The following PPP1R21 variants were observed in gnomAD, a reference collection of about 807,000 sequenced individuals.
PPP1R21 encodes protein phosphatase 1 regulatory subunit 21, also known as KLRAQ motif containing 1.
Under a neutral mutation model 112.8 loss-of-function variants are expected in PPP1R21, and 85 were observed. That is an observed-to-expected ratio of 0.75 (90% CI 0.63 to 0.90). PPP1R21 has a LOEUF of 0.90. PPP1R21 is among the 40% of genes least tolerant of loss of function. PPP1R21 has a pLI of 0.00. For missense variants in PPP1R21, 1,199 were observed against 901.5 expected, an observed-to-expected ratio of 1.33 and a Z score of -4.23; for synonymous variants, 381 against 322.3, an observed-to-expected ratio of 1.18 and a Z score of -1.95.
intron 14 of PPP1R21, among the ~76,000 whole-genome samples, chr2:48,487,948 C>G (rs955889494): frequency 2.6e-5 from 4 of 152,112 alleles, no homozygotes; most frequent in Non-Finnish European, 5.9e-5. Context: ...TTTATTGCAG[C>G]AGACTCAGCA....
At chr2:48,509,383 AT>A (rs1670530477) in intron 19 of PPP1R21, among the ~76,000 whole-genome samples, 1 of 151,712 alleles carries the variant, frequency 6.6e-6, no homozygotes, top group African/African-American at 2.4e-5. Context: ...TAGTATAAAT[AT>A]AAATGAATTC....
chr2:48,483,380 G>T (rs1669124096), intron 13 of PPP1R21, among the ~76,000 whole-genome samples: 1 of 151,586 alleles, frequency 6.6e-6, no homozygotes, highest in South Asian at 2.1e-4. Flanking sequence ...ACAGGGTTTC[G>T]CCATGTTGGC....
At chr2:48,490,042 T>C (rs1217020768) in intron 14 of PPP1R21, among the ~76,000 whole-genome samples, 3 of 151,054 alleles carry the variant, frequency 2.0e-5, no homozygotes, top group Non-Finnish European at 4.4e-5. Flanking sequence ...AAGACTCTGT[T>C]TCAAACAAAC....
At chr2:48,450,823 A>G (rs900479594) in intron 1 of PPP1R21, among the ~76,000 whole-genome samples, 185 bp from the exon 2 acceptor site, 8 of 150,982 alleles carry the variant, frequency 5.3e-5, no homozygotes, top group Non-Finnish European at 8.8e-5. Context: ...TGTCCTCCTT[A>G]TCTGTAAAAT....
At chr2:48,451,886 C>T (rs1198108014) in intron 2 of PPP1R21, among the ~76,000 whole-genome samples, 1 of 152,148 alleles carries the variant, frequency 6.6e-6, no homozygotes, top group Non-Finnish European at 1.5e-5. Flanking sequence ...ACTTAGGCAA[C>T]TAAGCCCCAG....
chr2:48,505,960 G>T (rs963942011), intron 18 of PPP1R21, among the ~76,000 whole-genome samples: 1 of 152,138 alleles, frequency 6.6e-6, no homozygotes, highest in Admixed American at 6.5e-5. Context: ...CTTAGCAAGG[G>T]CTATCTAGGG....
At chr2:48,442,113 C>T (rs757657939) in intron 1 of PPP1R21, among the ~76,000 whole-genome samples, 6 of 152,140 alleles carry the variant, frequency 3.9e-5, no homozygotes, top group Non-Finnish European at 8.8e-5. Context: ...TCTTAAGAGC[C>T]TGTGGCACAA....
At chr2:48,460,002 T>G in intron 5 of PPP1R21, 84 bp downstream of exon 5, 1 of 1,593,100 alleles carries the variant, frequency 6.3e-7, no homozygotes, top group Non-Finnish European at 8.6e-7. Context: ...GTTAGTCATT[T>G]CTGGTGAGAC....
rs761720903 is a variant in PPP1R21, at chr2:48,464,986, C to A, written c.744C>A (p.His248Gln). ...ACGTTCCACTCCACAATAGGAGACA[C>A]CAGGTAAAGGATGAAGTACATGTTT... is the stretch of plus-strand genomic sequence containing the variant. ...ALNVPLHNRRHQLKMRDIAGQ... is the reference protein window; with the variant it reads ...ALNVPLHNRRQQLKMRDIAGQ... Residue 248 changes from histidine (H) to glutamine (Q), a missense_variant, in exon 8 of 22, where the codon CAC becomes CAA. By Grantham distance (24) the His-to-Gln change is conservative. Transcript: ENST00000294952. 14 of 1,556,164 alleles carry A rather than the reference C, an allele frequency of 9.0e-6. 1 individual carries two copies. Among genetic ancestry groups the A allele is most frequent in the Middle Eastern group, 3.4e-4 (2 of 5,916 alleles).
intron 17 of PPP1R21, among the ~76,000 whole-genome samples, chr2:48,499,434 C>G (rs1487947598): frequency 6.6e-6 from 1 of 152,102 alleles, no homozygotes; most frequent in Admixed American, 6.5e-5. Flanking sequence ...TAGAAATAAC[C>G]ACAGGAAGCC....
intron 18 of PPP1R21, among the ~76,000 whole-genome samples, chr2:48,506,186 C>T (rs991986671): frequency 2.0e-5 from 3 of 152,296 alleles, no homozygotes; most frequent in South Asian, 2.1e-4. Flanking sequence ...CCTCTGCCTC[C>T]GGGTACAAGT....
chr2:48,514,674 TTA>T (rs1223836521), intron 21 of PPP1R21, 39 bp from the exon 22 acceptor site: 3 of 1,402,744 alleles, frequency 2.1e-6, no homozygotes, highest in Admixed American at 3.4e-5. Context: ...TTATTTTTTT[TTA>T]TGTTTATGTT....
chr2:48,458,272 G>T (rs759950570), intron 4 of PPP1R21, 45 bp downstream of exon 4: 26 of 1,316,076 alleles, frequency 2.0e-5, no homozygotes, highest in Non-Finnish European at 2.8e-5. Context: ...ATGGGTCTGT[G>T]ATCTGTTAAT....
rs971546968 is a variant in PPP1R21, at chr2:48,487,210, C to A, written c.1446+452C>A. Among the ~76,000 whole-genome samples the A allele has an allele frequency of 2.0e-5, 3 of 152,146 alleles. No homozygotes were observed. The East Asian group carries it at 5.8e-4, about 29-fold the overall frequency. ...GGTCTGCCATATAGAACACTGGGAA[C>A]ATACAAAAAAAGAAAACAAACCCAC... On this transcript the variant is annotated intron_variant, in intron 14 of 21. Transcript: ENST00000294952.
intron 2 of PPP1R21, among the ~76,000 whole-genome samples, chr2:48,452,700 C>A (rs6756820): frequency 0.97 from 147,470 of 151,962 alleles, 71,729 homozygotes; most frequent in Middle Eastern, 0.99. Flanking sequence ...CCTTTCAGTG[C>A]GCTGTTAGGT....
chr2:48,507,448 G>T, intron 19 of PPP1R21, 63 bp downstream of exon 19: 2 of 1,560,960 alleles, frequency 1.3e-6, no homozygotes, highest in South Asian at 1.2e-5. Context: ...TTAGGACACT[G>T]TCCTGTTTTC....
intron 14 of PPP1R21, among the ~76,000 whole-genome samples, chr2:48,490,212 C>G (rs1480446886): frequency 1.0e-5 from 1 of 96,446 alleles, no homozygotes; most frequent in African/African-American, 4.2e-5. Flanking sequence ...GAGTGAGACG[C>G]CGACTCAAAA....
chr2:48,454,661 C>T lies in PPP1R21; in HGVS notation c.193C>T (p.Arg65Ter), dbSNP rs866802950. The change falls in exon 3 of 22, where the codon CGA becomes TGA. Residue 65 changes from arginine to a stop codon, truncating the protein, a stop_gained. Coordinates refer to ENST00000294952, the MANE Select transcript of PPP1R21 (RefSeq NM_001135629.3). LOFTEE classifies it high-confidence loss of function. ...LQQEMDSLTFRNLQLAKRVEL... is the reference protein window; with the variant it reads ...LQQEMDSLTF ...ACAGGAAATGGACAGTTTGACATTT[C>T]GAAATCTGCAGCTTGCCAAGAGGGT... 1.9e-6 allele frequency: 3 copies of T among 1,613,872 alleles called. No individual in the cohort carries two copies. Among genetic ancestry groups the T allele is most frequent in the African/African-American group, 1.3e-5 (1 of 74,910 alleles).
rs1442057462 is a variant in PPP1R21 at position 48,469,504 on chromosome 2, T to TAGAG, written c.898-1582_898-1579dup. Among the ~76,000 whole-genome samples, 69 of 40,824 alleles carry TAGAG rather than the reference T, an allele frequency of 1.7e-3. 6 individuals are homozygous for TAGAG. The highest frequency in any genetic ancestry group is 0.015 in the Middle Eastern group (1 of 66). 26.8% of individuals were successfully genotyped at this position (40,824 alleles called of 152,430 possible). ...TATATAGAGCATATATATATATATATAGAGCATATATATATATATATATAT... is the reference window on the plus strand; with the variant it reads ...TATATAGAGCATATATATATATATATAGAGAGAGCATATATATATATATATATAT... On this transcript the variant is annotated intron_variant, in intron 9 of 21. Transcript: ENST00000294952.
Sources: allele counts gnomAD v4.1 joint callset (sites outside exome capture counted in the v4.1 genomes callset), GRCh38; gene constraint gnomAD v4.1.1; transcripts MANE v1.5; gene names NCBI Gene and HGNC (gene_info 2026-07-23, HGNC 2026-07-21).